The following CNBD1 variants were observed in gnomAD, a reference collection of about 807,000 sequenced individuals.
CNBD1 encodes the protein cyclic nucleotide binding domain containing 1.
CNBD1 carries 71 observed loss-of-function variants against 54.4 expected under a neutral mutation model. The observed-to-expected ratio is 1.30, with a 90% CI of 1.08 to 1.59. The LOEUF is 1.59. Among genes scored for constraint, CNBD1 ranks in the 40% most tolerant of loss-of-function variants. CNBD1 has a pLI of 0.00. For synonymous variants in CNBD1, 182 were observed against 170.7 expected, an observed-to-expected ratio of 1.07 and a Z score of -0.51; for missense variants, 659 against 518.0, an observed-to-expected ratio of 1.27 and a Z score of -2.64.
At chr8:87,402,545 C>A (rs1271630410) in intron 2 of CNBD1, among the ~76,000 whole-genome samples, 1 of 152,072 alleles carries the variant, frequency 6.6e-6, no homozygotes, top group African/African-American at 2.4e-5. Flanking sequence ...AAGGACCGAG[C>A]ATGAGCAAAG....
At chr8:87,274,871 A>T (rs1391975559) in intron 6 of CNBD1, among the ~76,000 whole-genome samples, 1 of 129,412 alleles carries the variant, frequency 7.7e-6, no homozygotes, top group Non-Finnish European at 1.7e-5. Context: ...TGGTAATTTT[A>T]GCCTAGGTTT....
intron 2 of CNBD1, among the ~76,000 whole-genome samples, chr8:86,891,848 T>C (rs1175199221): frequency 1.3e-5 from 2 of 152,046 alleles, no homozygotes; most frequent in Non-Finnish European, 2.9e-5. Context: ...ATAGAATTAT[T>C]TTTCTAGGAT....
chr8:87,068,213 A>G (rs1014656217), intron 4 of CNBD1, among the ~76,000 whole-genome samples: 2 of 152,106 alleles, frequency 1.3e-5, no homozygotes, highest in Admixed American at 1.3e-4. Context: ...TACTCATCAA[A>G]TTCTGACAAA....
rs556554078 is a variant in CNBD1, at chr8:87,303,551, C to T, written c.1042+16880C>T. ...TAAAAACCCTGGAAGAAAACCTAGG[C>T]AATACCATTCAGGACATAGGCATGG... On this transcript the variant is annotated intron_variant, in intron 8 of 10. Transcript: ENST00000518476. Among the ~76,000 whole-genome samples the T allele has an allele frequency of 5.3e-5, 8 of 152,228 alleles. 1 individual carries two copies. Among genetic ancestry groups the T allele is most frequent in the African/African-American group, 1.2e-4 (5 of 41,536 alleles).
rs188146000 is a variant in CNBD1, at chr8:87,346,379, G to C, written c.1043-5306G>C. Among the ~76,000 whole-genome samples the C allele has an allele frequency of 3.3e-5, 5 of 151,840 alleles. No individual in the cohort carries two copies. The East Asian group carries it at 9.7e-4, about 29-fold the overall frequency. ...TTTCTTCATAAAATTTGAGAATCCA[G>C]GTTTGATATGTGTTTAATATTAATT... On this transcript the variant is annotated intron_variant, in intron 8 of 10. Coordinates refer to ENST00000518476, the MANE Select transcript of CNBD1 (RefSeq NM_173538.3).
chr8:86,905,428 A>G (rs562317932), intron 3 of CNBD1, among the ~76,000 whole-genome samples: 2 of 152,296 alleles, frequency 1.3e-5, no homozygotes, highest in East Asian at 3.9e-4. Flanking sequence ...ACTTTTTATC[A>G]AAGAATTGTT....
rs79240904 is a variant in CNBD1 at position 86,965,805 on chromosome 8, C to T, written c.431+26051C>T. Among the ~76,000 whole-genome samples, 295 of 152,244 alleles carry T rather than the reference C, an allele frequency of 1.9e-3. 8 individuals carry two copies. In the East Asian group the frequency reaches 0.052, roughly 27 times the overall value. On this transcript the variant is annotated intron_variant, in intron 4 of 10. Coordinates refer to ENST00000518476, the MANE Select transcript of CNBD1 (RefSeq NM_173538.3). ...AGCTTTATTGAGTGTTCCAACAGCT[C>T]AGAGGAGACCTGCAGCAGGTAGCTC... is the stretch of plus-strand genomic sequence containing the variant.
chr8:87,002,289 C>T (rs1809009145), intron 4 of CNBD1, among the ~76,000 whole-genome samples: 2 of 152,146 alleles, frequency 1.3e-5, no homozygotes, highest in South Asian at 4.1e-4. Flanking sequence ...TCTAATTGGT[C>T]CTGGCTTTTA....
intron 2 of CNBD1, among the ~76,000 whole-genome samples, chr8:87,401,775 A>G (rs752356711): frequency 1.4e-4 from 21 of 152,060 alleles, no homozygotes; most frequent in Non-Finnish European, 2.9e-4. Context: ...AAGTAAAGCT[A>G]TACATAAATA....
intron 1 of CNBD1, among the ~76,000 whole-genome samples, chr8:86,874,116 T>C (rs1222704616): frequency 1.3e-5 from 2 of 152,242 alleles, no homozygotes; most frequent in Admixed American, 6.5e-5. Flanking sequence ...CATACTGTTA[T>C]GATAGCTTTG....
chr8:87,323,348 A>G (rs1381090758), intron 8 of CNBD1, among the ~76,000 whole-genome samples: 1 of 136,254 alleles, frequency 7.3e-6, no homozygotes, highest in Admixed American at 7.4e-5. Context: ...GAAGAAAGTC[A>G]TTGGTAGCTT....
intron 4 of CNBD1, among the ~76,000 whole-genome samples, chr8:87,054,410 C>T (rs1457220113): frequency 6.6e-6 from 1 of 152,168 alleles, no homozygotes; most frequent in African/African-American, 2.4e-5. Flanking sequence ...CCATCCAACC[C>T]CATTGAGGGC....
intron 4 of CNBD1, among the ~76,000 whole-genome samples, chr8:87,015,980 A>G (rs1809348014): frequency 7.0e-6 from 1 of 142,550 alleles, no homozygotes; most frequent in Admixed American, 6.9e-5. Flanking sequence ...TCCGTCTCAA[A>G]AAAAAAAAAA....
At chr8:86,952,040 T>C (rs1390880501) in intron 4 of CNBD1, among the ~76,000 whole-genome samples, 1 of 152,218 alleles carries the variant, frequency 6.6e-6, no homozygotes, top group Non-Finnish European at 1.5e-5. Flanking sequence ...TTGCTTCCTT[T>C]GGAAAGGAAT....
chr8:87,334,063 G>C (rs959269393), intron 8 of CNBD1, among the ~76,000 whole-genome samples: 1 of 152,104 alleles, frequency 6.6e-6, no homozygotes, highest in African/African-American at 2.4e-5. Context: ...TTCAGAACTT[G>C]TTATTGGTGT....
At chr8:87,186,479 A>G (rs1332901247) in intron 4 of CNBD1, among the ~76,000 whole-genome samples, 3 of 152,048 alleles carry the variant, frequency 2.0e-5, no homozygotes, top group African/African-American at 4.8e-5. Context: ...ATCCTTTTCC[A>G]TATCTACTTC....
chr8:87,168,460 T>G (rs974968752), intron 4 of CNBD1, among the ~76,000 whole-genome samples: 1 of 152,018 alleles, frequency 6.6e-6, no homozygotes, highest in Non-Finnish European at 1.5e-5. Flanking sequence ...TATTTTTAAA[T>G]GTACCATTAA....
chr8:86,927,784 G>C (rs1323744052), intron 3 of CNBD1, among the ~76,000 whole-genome samples: 2 of 152,136 alleles, frequency 1.3e-5, no homozygotes, highest in Admixed American at 6.5e-5. Flanking sequence ...TATTTTTTAA[G>C]TAGGAAGGGG....
At chr8:87,148,020 T>G (rs551718648) in intron 4 of CNBD1, among the ~76,000 whole-genome samples, 1 of 152,270 alleles carries the variant, frequency 6.6e-6, no homozygotes, top group East Asian at 1.9e-4. Context: ...GCATGTTAAA[T>G]TAGAGTTTTT....
Sources: allele counts gnomAD v4.1 joint callset (sites outside exome capture counted in the v4.1 genomes callset), GRCh38; gene constraint gnomAD v4.1.1; transcripts MANE v1.5; gene names NCBI Gene and HGNC (gene_info 2026-07-23, HGNC 2026-07-21).